Variants in RTKN2 observed in about 807,000 individuals in gnomAD.
The protein encoded by RTKN2 is rhotekin 2.
Under a neutral mutation model 71.5 loss-of-function variants are expected in RTKN2, and 69 were observed. The ratio of observed to expected loss-of-function variants is 0.96; its 90% CI spans 0.79 to 1.18. RTKN2 has a LOEUF of 1.18. Ranked by LOEUF, RTKN2 falls within the 50% of genes most tolerant of loss-of-function variation. The pLI is 0.00. For missense variants in RTKN2, 724 were observed against 719.7 expected (o/e 1.01, Z -0.07); for synonymous variants, 236 against 236.5 (o/e 1.00, Z 0.02).
rs1299098745 is a variant in RTKN2, at chr10:62,194,985, T to C, written c.*2923A>G. The C allele has an allele frequency of 3.0e-6, 3 of 985,406 alleles. No homozygotes were observed. Among genetic ancestry groups the C allele is most frequent in the Non-Finnish European group, 3.6e-6 (3 of 829,896 alleles). 61.0% of individuals were successfully genotyped at this position (985,406 alleles called of 1,614,324 possible). ...GCAAGAGTTGGCACGCCTGATATTT[T>C]TGAAAGACTATTTACCTTAGGAGGT... On this transcript the variant is annotated 3_prime_UTR_variant, in exon 12 of 12. Coordinates refer to ENST00000373789, the MANE Select transcript of RTKN2 (RefSeq NM_145307.4).
rs1841516017 is a variant in RTKN2, at chr10:62,204,896, T to G, written c.1147A>C (p.Lys383Gln). 2.5e-6 allele frequency: 4 copies of G among 1,590,598 alleles called. No individual in the cohort carries two copies. Among genetic ancestry groups the G allele is most frequent in the Non-Finnish European group, 8.5e-7 (1 of 1,172,288 alleles). The change falls in exon 10 of 12, where the codon AAG (lysine) becomes CAG (glutamine). Residue 383 changes from lysine to glutamine, a missense_variant. Coordinates refer to ENST00000373789, the MANE Select transcript of RTKN2 (RefSeq NM_145307.4). The stretch of plus-strand genomic sequence containing the variant: ...TGCTGCCAGAAGGCTTCCATCCACT[T>G]CTGAAGATCTTCTCTATTGTCAACT... ...FAVDNREDLQ[K>Q]WMEAFWQHFF... is the part of the protein sequence containing the mutation.
chr10:62,204,905 C>T lies in RTKN2; in HGVS notation c.1138G>A (p.Asp380Asn). 6.3e-7 allele frequency: 1 copy of T among 1,593,860 alleles called. No individual in the cohort carries two copies. The highest frequency in any genetic ancestry group is 8.5e-7 in the Non-Finnish European group (1 of 1,173,374). ...AAGGCTTCCATCCACTTCTGAAGATCTTCTCTATTGTCAACTGCAAAAATC... is the reference window on the plus strand; with the variant it reads ...AAGGCTTCCATCCACTTCTGAAGATTTTCTCTATTGTCAACTGCAAAAATC... ...TQIFAVDNRE[D>N]LQKWMEAFWQ... The change falls in exon 10 of 12, where the codon GAT (aspartate) becomes AAT (asparagine). Residue 380 changes from aspartate to asparagine, a missense_variant. Transcript: ENST00000373789.
chr10:62,207,949 C>T (rs1019429345), intron 9 of RTKN2, among the ~76,000 whole-genome samples: 13 of 152,154 alleles, frequency 8.5e-5, no homozygotes, highest in Middle Eastern at 3.4e-3. Context: ...GTTTTATAGT[C>T]AACTTTTCTT....
chr10:62,225,184 C>T (rs1841994681), intron 6 of RTKN2, among the ~76,000 whole-genome samples: 1 of 152,152 alleles, frequency 6.6e-6, no homozygotes, highest in African/African-American at 2.4e-5. Context: ...TGAGAAAACT[C>T]GAGGCTGACA....
intron 6 of RTKN2, among the ~76,000 whole-genome samples, chr10:62,224,079 G>C (rs562463000): frequency 2.0e-5 from 3 of 152,180 alleles, no homozygotes; most frequent in South Asian, 2.1e-4. Context: ...TATGCTAAGT[G>C]AAATAAGCCA....
intron 7 of RTKN2, among the ~76,000 whole-genome samples, chr10:62,222,524 G>A (rs928988887): frequency 2.1e-4 from 32 of 152,076 alleles, no homozygotes; most frequent in African/African-American, 6.8e-4. Context: ...AATCTTATCA[G>A]TACAGAGCCA....
intron 1 of RTKN2, among the ~76,000 whole-genome samples, chr10:62,267,736 A>G (rs749529539): frequency 3.9e-5 from 6 of 152,208 alleles, no homozygotes; most frequent in Non-Finnish European, 7.3e-5. Context: ...CAAAACTGGC[A>G]ATTTCATATG....
chr10:62,243,576 G>A (rs141696966), intron 3 of RTKN2, among the ~76,000 whole-genome samples: 2 of 152,146 alleles, frequency 1.3e-5, no homozygotes, highest in Non-Finnish European at 2.9e-5. Context: ...ATGCCGAAGA[G>A]AGGAGGGTAG....
In RTKN2 at chr10:62,198,060, G is replaced by A. The variant is rs147070919; in HGVS notation, c.1678C>T (p.Arg560Ter). The change falls in exon 12 of 12, where the codon CGA becomes TGA. Residue 560 changes from arginine to a stop codon, truncating the protein, a stop_gained. Coordinates refer to ENST00000373789, the MANE Select transcript of RTKN2 (RefSeq NM_145307.4). LOFTEE classifies it high-confidence loss of function. ...TTTCTCCTGGCAGGCAGAAGTTTTCGAGGAGCAGCCATTGGTTTCTGTAAG... is the reference window on the plus strand; with the variant it reads ...TTTCTCCTGGCAGGCAGAAGTTTTCAAGGAGCAGCCATTGGTTTCTGTAAG... ...HHLQKPMAAP[R>*]KLLPARRNRL... The A allele has an allele frequency of 5.6e-5, 90 of 1,614,028 alleles. No individual in the cohort carries two copies. In the African/African-American group the frequency reaches 7.5e-4, roughly 13 times the overall value.
chr10:62,191,131 C>T (rs1369398369), downstream of RTKN2, among the ~76,000 whole-genome samples: 4 of 152,034 alleles, frequency 2.6e-5, no homozygotes, highest in Non-Finnish European at 5.9e-5. Flanking sequence ...TACTTTTGCA[C>T]TTCTTAACTC....
intron 2 of RTKN2, chr10:62,259,263 A>T (rs1389168015): frequency 5.1e-6 from 2 of 391,194 alleles, no homozygotes; most frequent in South Asian, 3.2e-5. Flanking sequence ...GAGTGCATTA[A>T]ACCTCTTTTT....
intron 7 of RTKN2, among the ~76,000 whole-genome samples, chr10:62,222,080 G>A (rs1325523891): frequency 6.6e-6 from 1 of 152,062 alleles, no homozygotes; most frequent in East Asian, 1.9e-4. Context: ...GTAACTGAGG[G>A]AAAGGAGGGG....
downstream of RTKN2, among the ~76,000 whole-genome samples, chr10:62,192,105 C>A (rs1203684092): frequency 6.6e-6 from 1 of 150,766 alleles, no homozygotes; most frequent in East Asian, 1.9e-4. Context: ...AAAAAAAAAG[C>A]CCCAAATCAT....
intron 3 of RTKN2, among the ~76,000 whole-genome samples, chr10:62,244,052 G>A (rs143481955): frequency 3.6e-4 from 55 of 152,252 alleles, no homozygotes; most frequent in African/African-American, 1.3e-3. Flanking sequence ...GCCAGGGAGT[G>A]ATGTAGCTGG....
intron 6 of RTKN2, among the ~76,000 whole-genome samples, chr10:62,233,273 T>A (rs1023775413): frequency 2.0e-5 from 3 of 152,186 alleles, no homozygotes; most frequent in Non-Finnish European, 4.4e-5. Flanking sequence ...ATCTCTAAGA[T>A]CTCTTTCTGC....
intron 1 of RTKN2, among the ~76,000 whole-genome samples, chr10:62,264,622 C>T (rs1564533767): frequency 6.6e-6 from 1 of 152,162 alleles, no homozygotes; most frequent in African/African-American, 2.4e-5. Context: ...AGCTTTACCC[C>T]ACAACTCAAA....
At chr10:62,213,804 G>GT (rs1410230335) in intron 9 of RTKN2, among the ~76,000 whole-genome samples, 3 of 151,348 alleles carry the variant, frequency 2.0e-5, no homozygotes, top group South Asian at 2.1e-4. Flanking sequence ...CATCAGTATG[G>GT]TTTTTTTTGT....
intron 2 of RTKN2, among the ~76,000 whole-genome samples, chr10:62,247,320 G>A (rs1842497933): frequency 1.3e-5 from 2 of 151,756 alleles, no homozygotes; most frequent in Admixed American, 1.3e-4. Context: ...TAAATATATA[G>A]GTGACATATA....
Position 62,184,355 on chromosome 10 carries a change from T to C in RTKN2, c.894A>G (p.Lys298=), listed in dbSNP as rs1160831311. The change falls in exon 9 of 9, where the codon AAA becomes AAG. Residue 298 remains lysine, a synonymous_variant. Transcript: ENST00000315289. The stretch of plus-strand genomic sequence containing the variant: ...AGAGGAATTTGGAAGTTGCTGGCAG[T>C]TTCTGGAGATTATGTAGTTGATTAC... 7 of 1,545,090 alleles carry C rather than the reference T, an allele frequency of 4.5e-6. No individual in the cohort carries two copies. The East Asian group carries it at 1.5e-4, about 32-fold the overall frequency.
Sources: allele counts gnomAD v4.1 joint callset (sites outside exome capture counted in the v4.1 genomes callset), GRCh38; gene constraint gnomAD v4.1.1; transcripts MANE v1.5; gene names NCBI Gene and HGNC (gene_info 2026-07-23, HGNC 2026-07-21).